Variants in CHD1L observed in about 807,000 individuals in gnomAD.
CHD1L encodes ATP-dependent chromatin remodeler CHD1L.
A neutral mutation model predicts 115.9 loss-of-function variants in CHD1L; 118 were observed. The ratio of observed to expected loss-of-function variants is 1.02; its 90% CI spans 0.88 to 1.19. The LOEUF (loss-of-function observed/expected upper bound fraction) is 1.19, where lower values mean the gene tolerates loss of function less well. CHD1L is among the 50% of genes most tolerant of loss of function. The pLI is 0.00. For synonymous variants in CHD1L, 411 were observed against 387.1 expected (o/e 1.06, Z -0.72); for missense variants, 1,179 against 1,065.3 (o/e 1.11, Z -1.49).
intron 17 of CHD1L, 127 bp from the exon 18 acceptor site, chr1:147,286,171 A>C (rs1559880629): frequency 2.2e-6 from 2 of 890,220 alleles, no homozygotes; most frequent in South Asian, 1.8e-5. Context: ...AGAAAACTTC[A>C]ATCAGGGTGA....
At chr1:147,201,431 C>G in the CHD1L span, 36 of 1,614,014 alleles carry the variant, frequency 2.2e-5, no homozygotes, top group Non-Finnish European at 3.0e-5. Context: ...TTCACATTTC[C>G]TTTCACTTTC....
the CHD1L span, among the ~76,000 whole-genome samples, chr1:147,197,672 T>C: frequency 4.6e-5 from 7 of 152,160 alleles, no homozygotes; most frequent in Admixed American, 4.6e-4. Context: ...TGATTGTAAG[T>C]TTCCTGAGGC....
chr1:147,267,605 ATACT>A, intron 9 of CHD1L, 87 bp downstream of exon 9: 3 of 993,826 alleles, frequency 3.0e-6, no homozygotes, highest in East Asian at 2.5e-5. Context: ...ATAATTGCAT[ATACT>A]TACTTTGTCT....
chr1:147,287,842 A>C, intron 19 of CHD1L, 109 bp downstream of exon 19: 1 of 863,642 alleles, frequency 1.2e-6, no homozygotes, highest in Non-Finnish European at 1.8e-6. Context: ...TAGAATAACC[A>C]GTTGGGGACT....
the CHD1L span, among the ~76,000 whole-genome samples, chr1:147,228,893 T>C: frequency 2.0e-5 from 3 of 152,232 alleles, no homozygotes; most frequent in Non-Finnish European, 4.4e-5. Flanking sequence ...GAGTTCATTG[T>C]AGATTCTGGA....
At chr1:147,188,777 G>T in the CHD1L span, among the ~76,000 whole-genome samples, 2 of 149,886 alleles carry the variant, frequency 1.3e-5, no homozygotes, top group Non-Finnish European at 3.0e-5. Context: ...AAAAAAAAAG[G>T]TTACATTATA....
At chr1:147,215,971 A>T in the CHD1L span, 3 of 1,526,046 alleles carry the variant, frequency 2.0e-6, no homozygotes, top group Non-Finnish European at 2.7e-6. Flanking sequence ...ATTCATAGCA[A>T]CTTGAGGATC....
the CHD1L span, among the ~76,000 whole-genome samples, chr1:147,221,034 A>C: frequency 6.6e-6 from 1 of 151,850 alleles, no homozygotes; most frequent in Non-Finnish European, 1.5e-5. Context: ...ATTCCTCCCC[A>C]AAAGTCATAA....
the CHD1L span, among the ~76,000 whole-genome samples, chr1:147,234,246 T>C: frequency 0.2 from 31,159 of 152,156 alleles, 3,440 homozygotes; most frequent in Middle Eastern, 0.26. Flanking sequence ...TCCACAATTG[T>C]GATGGCCCCC....
chr1:147,209,342 G>C, the CHD1L span, among the ~76,000 whole-genome samples: 5 of 151,526 alleles, frequency 3.3e-5, no homozygotes, highest in East Asian at 9.7e-4. Flanking sequence ...GGAGGCTGAG[G>C]CAGGAGAATG....
At chr1:147,233,102 T>G in the CHD1L span, among the ~76,000 whole-genome samples, 1 of 150,534 alleles carries the variant, frequency 6.6e-6, no homozygotes, top group East Asian at 2.0e-4. Context: ...GGAGTGCCTC[T>G]GCCCCGCCGC....
chr1:147,250,616 T>G (rs782222928), intron 1 of CHD1L, among the ~76,000 whole-genome samples: 4 of 152,204 alleles, frequency 2.6e-5, no homozygotes, highest in Non-Finnish European at 5.9e-5. Context: ...TGGCCTTCTC[T>G]TATACCATCC....
intron 20 of CHD1L, among the ~76,000 whole-genome samples, chr1:147,293,360 C>CA (rs1686312295): frequency 6.6e-6 from 1 of 151,888 alleles, no homozygotes; most frequent in Admixed American, 6.6e-5. Context: ...GTTTTGGACT[C>CA]ATTCTCTGGT....
chr1:147,187,272 G>T, the CHD1L span: 2 of 1,516,932 alleles, frequency 1.3e-6, no homozygotes, highest in Non-Finnish European at 8.9e-7. Flanking sequence ...AGAAACCATG[G>T]CCTGTCAATA....
At chr1:147,194,848 T>C in the CHD1L span, among the ~76,000 whole-genome samples, 1 of 152,116 alleles carries the variant, frequency 6.6e-6, no homozygotes, top group African/African-American at 2.4e-5. Context: ...CACTCTCTTC[T>C]GGCTTGTAGA....
chr1:147,212,473 T>C, the CHD1L span: 2 of 1,613,128 alleles, frequency 1.2e-6, no homozygotes, highest in Non-Finnish European at 1.7e-6. Flanking sequence ...CTCTTTCCAG[T>C]GAATCCCTCT....
rs782055453 is a variant in CHD1L at position 147,267,560 on chromosome 1, GT to G, written c.988+45del. ...TCCCCCCACATTATTCTTTGGTAATGTTTCTGTGGCCAAATCATACCAAAAT... is the reference window on the plus strand; with the variant it reads ...TCCCCCCACATTATTCTTTGGTAATGTTCTGTGGCCAAATCATACCAAAAT... On this transcript the variant is annotated intron_variant, in intron 9 of 22. Coordinates refer to ENST00000369258, the MANE Select transcript of CHD1L (RefSeq NM_004284.6). 4 of 1,488,258 alleles carry G rather than the reference GT, an allele frequency of 2.7e-6. No homozygotes were observed. In the South Asian group the frequency reaches 4.8e-5, roughly 18 times the overall value. 92.2% of individuals were successfully genotyped at this position (1,488,258 alleles called of 1,614,324 possible).
rs1049887168 is a variant in CHD1L, at chr1:147,272,244, G to A, written c.1233G>A (p.Gln411=). ...ERHLAIKNFG[Q]QPIFVFLLST... Reference sequence around the variant, plus strand: ...ACTTGGCCATTAAGAACTTTGGACAGCAGCCCATTTTCGTTTTTCTCCTGA... The same window carrying A: ...ACTTGGCCATTAAGAACTTTGGACAACAGCCCATTTTCGTTTTTCTCCTGA... The change falls in exon 12 of 23, where the codon CAG becomes CAA. Residue 411 remains glutamine, a synonymous_variant. Coordinates refer to ENST00000369258, the MANE Select transcript of CHD1L (RefSeq NM_004284.6). 12 of 1,614,104 alleles carry A rather than the reference G, an allele frequency of 7.4e-6. No individual in the cohort carries two copies. The highest frequency in any genetic ancestry group is 1.1e-5 in the South Asian group (1 of 91,086).
At chr1:147,273,033 C>T (rs587741069) in intron 12 of CHD1L, among the ~76,000 whole-genome samples, 18 of 152,062 alleles carry the variant, frequency 1.2e-4, no homozygotes, top group Non-Finnish European at 2.1e-4. Flanking sequence ...AACCCCGTCT[C>T]TACTTAAAAA....
Sources: gnomAD v4.1 joint callset for allele counts (sites outside exome capture counted in the v4.1 genomes callset) on GRCh38, gnomAD v4.1.1 for gene constraint, MANE v1.5 for transcripts, NCBI Gene and HGNC (gene_info 2026-07-23, HGNC 2026-07-21) for gene names.